The following SLC26A8 variants were observed in gnomAD, a reference collection of about 807,000 sequenced individuals.
SLC26A8 encodes the protein testis anion transporter 1.
Under a neutral mutation model 105.0 loss-of-function variants are expected in SLC26A8, and 70 were observed. The ratio of observed to expected loss-of-function variants is 0.67; its 90% confidence interval spans 0.55 to 0.81. SLC26A8 has a LOEUF of 0.81. Ranked by LOEUF, SLC26A8 falls within the 40% of genes least tolerant of loss-of-function variation. The pLI is 0.00. For synonymous variants in SLC26A8, 415 were observed against 438.3 expected (o/e 0.95, Z 0.66); for missense variants, 998 against 1,181.8 (o/e 0.84, Z 2.28).
chr6:35,991,932 T>A (rs1262689801), intron 6 of SLC26A8, 124 bp from the exon 7 acceptor site: 8 of 945,490 alleles, frequency 8.5e-6, no homozygotes, highest in Non-Finnish European at 1.2e-5. Flanking sequence ...ACAAAGGTCT[T>A]TATGGGTATT....
intron 19 of SLC26A8, among the ~76,000 whole-genome samples, chr6:35,947,868 C>T (rs1771729884): frequency 6.6e-6 from 1 of 152,160 alleles, no homozygotes; most frequent in South Asian, 2.1e-4. Flanking sequence ...GAGGCCGAGG[C>T]TGTGGTGCAC....
chr6:36,004,527 A>C (rs1302115617), intron 3 of SLC26A8, among the ~76,000 whole-genome samples: 1 of 152,082 alleles, frequency 6.6e-6, no homozygotes. Context: ...AATTCTTTGC[A>C]TAAAAATCAT....
chr6:35,955,469 T>C lies in SLC26A8; in HGVS notation c.1915A>G (p.Ile639Val), dbSNP rs2295852. The change falls in exon 17 of 20, where the codon ATT becomes GTT. Residue 639 changes from isoleucine (I) to valine (V), a missense_variant. Physicochemically the swap from Ile to Val is conservative, Grantham distance 29 (BLOSUM62 3). Transcript: ENST00000490799. ...AAATGTGAGCAGTGAATCAGGTTAA[T>C]GGAGGATGCTTCGGGATCCAGTTTA... ...ENKLDPEASSINLIHCSHFES... is the reference protein window; with the variant it reads ...ENKLDPEASSVNLIHCSHFES... 0.36 allele frequency: 574,422 copies of C among 1,613,794 alleles called. 107,216 individuals carry two copies. Among genetic ancestry groups the C allele is most frequent in the African/African-American group, 0.65 (48,738 of 74,906 alleles).
chr6:36,002,534 A>C (rs1761552832), intron 3 of SLC26A8, among the ~76,000 whole-genome samples: 1 of 152,072 alleles, frequency 6.6e-6, no homozygotes, highest in Admixed American at 6.6e-5. Flanking sequence ...TAGATTTTTA[A>C]TTTTAGTGTG....
At chr6:35,985,196 T>C (rs1773446746) in intron 7 of SLC26A8, among the ~76,000 whole-genome samples, 1 of 152,072 alleles carries the variant, frequency 6.6e-6, no homozygotes, top group South Asian at 2.1e-4. Context: ...CTTACAGGTA[T>C]TGATTGATAT....
chr6:35,989,208 T>C (rs1053646980), intron 7 of SLC26A8, among the ~76,000 whole-genome samples: 3 of 152,192 alleles, frequency 2.0e-5, no homozygotes, highest in African/African-American at 7.2e-5. Context: ...AATTAACACA[T>C]GAAACATTTC....
chr6:35,963,452 G>A (rs779305745), intron 11 of SLC26A8, among the ~76,000 whole-genome samples: 29 of 152,262 alleles, frequency 1.9e-4, no homozygotes, highest in South Asian at 6.2e-4. Flanking sequence ...CCACCATAGC[G>A]CACTCAGTCC....
At chr6:35,965,139 T>C (rs766291488) in intron 11 of SLC26A8, among the ~76,000 whole-genome samples, 1 of 152,158 alleles carries the variant, frequency 6.6e-6, no homozygotes, top group Non-Finnish European at 1.5e-5. Context: ...CTATGCAAAG[T>C]GATATCCATT....
At chr6:36,014,559 G>T (rs1002927006) in intron 2 of SLC26A8, among the ~76,000 whole-genome samples, 5 of 151,674 alleles carry the variant, frequency 3.3e-5, no homozygotes, top group Non-Finnish European at 5.9e-5. Flanking sequence ...AAGAGATGGG[G>T]TTAAAAGATT....
chr6:35,959,813 G>C lies in SLC26A8; in HGVS notation c.1639-7C>G. On this transcript the variant is annotated splice_polypyrimidine_tract_variant and splice_region_variant and intron_variant, in intron 14 of 19. Transcript: ENST00000490799. ...CCCCAGGAATGGTGATGATCTGCAA[G>C]ACAAAATGTGAAGTTGAGGGAAATT... 1 of 1,598,066 alleles carries C rather than the reference G, an allele frequency of 6.3e-7. No individual in the cohort carries two copies. Among genetic ancestry groups the C allele is most frequent in the Non-Finnish European group, 8.5e-7 (1 of 1,172,350 alleles).
intron 8 of SLC26A8, among the ~76,000 whole-genome samples, chr6:35,980,323 T>A (rs1338937551): frequency 6.6e-6 from 1 of 152,202 alleles, no homozygotes; most frequent in East Asian, 1.9e-4. Context: ...TGTGTAAGTA[T>A]AACAGAGTGG....
chr6:35,990,020 C>T (rs1773702200), intron 7 of SLC26A8: 1 of 134,082 alleles, frequency 7.5e-6, no homozygotes, highest in Non-Finnish European at 1.5e-5. Flanking sequence ...TCACTGCAAG[C>T]TCTGCCTCCT....
intron 19 of SLC26A8, among the ~76,000 whole-genome samples, chr6:35,947,242 G>C (rs1771708777): frequency 6.6e-6 from 1 of 151,902 alleles, no homozygotes. Context: ...TGTTGGCCAG[G>C]CTGGTCTCAA....
At chr6:35,974,465 G>A (rs910518018) in intron 10 of SLC26A8, among the ~76,000 whole-genome samples, 1 of 152,144 alleles carries the variant, frequency 6.6e-6, no homozygotes, top group African/African-American at 2.4e-5. Context: ...TTAGTTTACT[G>A]ACTCAGAATA....
intron 19 of SLC26A8, among the ~76,000 whole-genome samples, chr6:35,944,722 A>G (rs74637921): frequency 6.6e-6 from 1 of 151,856 alleles, no homozygotes; most frequent in Non-Finnish European, 1.5e-5. Context: ...ACAAACAAAC[A>G]AAAAAACCCA....
At chr6:35,966,292 G>C (rs1772515302) in intron 11 of SLC26A8, among the ~76,000 whole-genome samples, 1 of 152,146 alleles carries the variant, frequency 6.6e-6, no homozygotes, top group Non-Finnish European at 1.5e-5. Flanking sequence ...TTCCAGTCAA[G>C]AATTTCCAAA....
intron 10 of SLC26A8, among the ~76,000 whole-genome samples, chr6:35,971,863 G>A (rs1772811466): frequency 6.6e-6 from 1 of 152,210 alleles, no homozygotes; most frequent in Admixed American, 6.5e-5. Context: ...AGAAAGCAGG[G>A]GGCAATGACA....
chr6:35,979,500 A>G (rs1773185669), intron 8 of SLC26A8, among the ~76,000 whole-genome samples: 1 of 152,116 alleles, frequency 6.6e-6, no homozygotes, highest in South Asian at 2.1e-4. Flanking sequence ...AATAATTTAT[A>G]ACTGACAAGC....
chr6:35,955,116 G>T, intron 17 of SLC26A8, 36 bp downstream of exon 17: 2 of 1,613,092 alleles, frequency 1.2e-6, no homozygotes, highest in Non-Finnish European at 1.7e-6. Flanking sequence ...GTAGGAGGGG[G>T]ATCAGAGCTC....
Sources: allele counts gnomAD v4.1 joint callset (sites outside exome capture counted in the v4.1 genomes callset), GRCh38; gene constraint gnomAD v4.1.1; transcripts MANE v1.5; gene names NCBI Gene and HGNC (gene_info 2026-07-23, HGNC 2026-07-21).